Variants in NPNT observed in about 807,000 individuals in gnomAD.
NPNT encodes the protein preosteoblast EGF-like repeat protein with MAM domain.
NPNT carries 45 observed loss-of-function variants against 68.6 expected under a neutral mutation model. The observed-to-expected ratio is 0.66, with a 90% CI of 0.52 to 0.84. The LOEUF is 0.84. NPNT is among the 40% of genes least tolerant of loss of function. NPNT has a pLI of 0.00. For missense variants in NPNT, 672 were observed against 714.8 expected, an observed-to-expected ratio of 0.94 and a Z score of 0.68; for synonymous variants, 233 against 253.3, an observed-to-expected ratio of 0.92 and a Z score of 0.76.
At chr4:105,947,841 C>CG (rs1286115619) in intron 8 of NPNT, among the ~76,000 whole-genome samples, 9 of 151,988 alleles carry the variant, frequency 5.9e-5, no homozygotes, top group Admixed American at 2.0e-4. Flanking sequence ...ATACTGATCA[C>CG]GGGGGGGTTT....
chr4:105,931,998 C>T (rs1274843230), intron 3 of NPNT, among the ~76,000 whole-genome samples: 1 of 152,098 alleles, frequency 6.6e-6, no homozygotes, highest in Non-Finnish European at 1.5e-5. Context: ...TTTTGGTAAG[C>T]TAATAATGGC....
At position 105,938,421 on chromosome 4, in the gene NPNT, G is replaced by A; in HGVS notation, c.505+1G>A. The A allele has an allele frequency of 6.2e-7, 1 of 1,612,508 alleles. No homozygotes were observed. Among genetic ancestry groups the A allele is most frequent in the East Asian group, 2.2e-5 (1 of 44,850 alleles). On this transcript the variant is annotated splice_donor_variant, in intron 5 of 11. Transcript: ENST00000379987. LOFTEE classifies it high-confidence loss of function. The stretch of plus-strand genomic sequence containing the variant: ...GCTCCTGATGGGAGGACCTGTGTAG[G>A]TGAGTTGTAAAATCAAGCATCTCTG...
Position 105,933,277 on chromosome 4 carries a change from G to A in NPNT, c.266-3732G>A, listed in dbSNP as rs186241533. ...CCTGCCCTATTTGCCTGTGGGGTTG[G>A]CGTGAGAATAGAAACACCAAAAATA... On this transcript the variant is annotated intron_variant, in intron 3 of 11. Transcript: ENST00000379987. 1.7e-3 allele frequency among the ~76,000 whole-genome samples: 256 copies of A among 152,258 alleles called. 1 individual carries two copies. The highest frequency in any genetic ancestry group is 6.0e-3 in the African/African-American group (248 of 41,554).
intron 2 of NPNT, among the ~76,000 whole-genome samples, chr4:105,898,746 G>A (rs900446738): frequency 6.6e-6 from 1 of 152,222 alleles, no homozygotes; most frequent in East Asian, 1.9e-4. Flanking sequence ...AAAATTTAGA[G>A]CTACATCAAA....
At chr4:105,932,088 A>G (rs1474058600) in intron 3 of NPNT, among the ~76,000 whole-genome samples, 3 of 152,194 alleles carry the variant, frequency 2.0e-5, no homozygotes, top group African/African-American at 7.2e-5. Flanking sequence ...GATAATATTG[A>G]CGATCTATTA....
rs867883566 is a variant in NPNT at position 105,922,389 on chromosome 4, A to T, written c.173-4947A>T. On this transcript the variant is annotated intron_variant, in intron 2 of 11. Coordinates refer to ENST00000379987, the MANE Select transcript of NPNT (RefSeq NM_001033047.3). ...CCCAGTTACATCACTTAAGATGGAT[A>T]TTTTTTTTTTTTTTTTGAGATCAAG... Among the ~76,000 whole-genome samples, 53 of 139,348 alleles carry T rather than the reference A, an allele frequency of 3.8e-4. 2 individuals are homozygous for T. The highest frequency in any genetic ancestry group is 7.2e-4 in the Non-Finnish European group (45 of 62,832). 91.4% of individuals were successfully genotyped at this position (139,348 alleles called of 152,430 possible). A position where few individuals can be genotyped will look rare whatever the true frequency, so the allele number is the denominator to read the frequency against.
chr4:105,929,459 CT>C (rs1728944629), intron 3 of NPNT: 1 of 152,198 alleles, frequency 6.6e-6, no homozygotes, highest in Non-Finnish European at 1.5e-5. Flanking sequence ...CTCTTTTTAA[CT>C]TGAAATTTAC....
At chr4:105,942,284 A>ATTTAAGTCT in intron 7 of NPNT, 23 bp from the exon 8 acceptor site, 1 of 1,560,036 alleles carries the variant, frequency 6.4e-7, no homozygotes, top group South Asian at 1.2e-5. Context: ...TTACATACTG[A>ATTTAAGTCT]TTTAAGTCTT....
Position 105,940,066 on chromosome 4 carries a change from T to G in NPNT, c.506-9T>G. On this transcript the variant is annotated splice_polypyrimidine_tract_variant and intron_variant, in intron 5 of 11. Transcript: ENST00000379987. ...CTCTTCCTAAAATGCTATTGACTTA[T>G]GTTTCTAGATGTTGATGAATGTGCT... is the stretch of plus-strand genomic sequence containing the variant. The G allele has an allele frequency of 6.2e-7, 1 of 1,612,280 alleles. No homozygotes were observed. Among genetic ancestry groups the G allele is most frequent in the Non-Finnish European group, 8.5e-7 (1 of 1,178,628 alleles).
Position 105,935,024 on chromosome 4 carries a change from C to T in NPNT, c.266-1985C>T, listed in dbSNP as rs542492183. Among the ~76,000 whole-genome samples, 11 of 152,292 alleles carry T rather than the reference C, an allele frequency of 7.2e-5. No individual in the cohort carries two copies. The South Asian group carries it at 2.1e-3, about 29-fold the overall frequency. Reference sequence around the variant, plus strand: ...CAGGTTTAGTTCAGGGACATAGTGTCTGAAGAAATTTCCATCAGCATAAAT... The same window carrying T: ...CAGGTTTAGTTCAGGGACATAGTGTTTGAAGAAATTTCCATCAGCATAAAT... On this transcript the variant is annotated intron_variant, in intron 3 of 11. Coordinates refer to ENST00000379987, the MANE Select transcript of NPNT (RefSeq NM_001033047.3).
At chr4:105,950,896 T>C (rs936186754) in intron 8 of NPNT, among the ~76,000 whole-genome samples, 1 of 152,224 alleles carries the variant, frequency 6.6e-6, no homozygotes, top group Non-Finnish European at 1.5e-5. Flanking sequence ...GTGCTGCGAT[T>C]ACAGGCGTGA....
chr4:105,913,664 T>C (rs1578595621), intron 2 of NPNT, among the ~76,000 whole-genome samples: 2 of 152,230 alleles, frequency 1.3e-5, no homozygotes, highest in South Asian at 4.1e-4. Flanking sequence ...CTAGGACAGA[T>C]GGTACAGCAC....
chr4:105,945,761 T>A (rs1487368383), intron 8 of NPNT, among the ~76,000 whole-genome samples: 1 of 152,210 alleles, frequency 6.6e-6, no homozygotes, highest in Non-Finnish European at 1.5e-5. Flanking sequence ...GTACACATAC[T>A]ATATAGTACA....
At chr4:105,935,217 G>A (rs909082606) in intron 3 of NPNT, among the ~76,000 whole-genome samples, 1 of 152,174 alleles carries the variant, frequency 6.6e-6, no homozygotes, top group Non-Finnish European at 1.5e-5. Flanking sequence ...TGATTTTACT[G>A]TGTTATGTTG....
chr4:105,895,809 C>A, intron 1 of NPNT, 86 bp downstream of exon 1: 1 of 1,242,946 alleles, frequency 8.0e-7, no homozygotes, highest in Non-Finnish European at 1.1e-6. Context: ...CGCGGGGTTT[C>A]GTGGTCAGAG....
intron 2 of NPNT, among the ~76,000 whole-genome samples, chr4:105,903,889 A>G (rs1439150151): frequency 1.3e-5 from 2 of 150,252 alleles, no homozygotes; most frequent in Admixed American, 6.7e-5. Context: ...GGCTCAAGCC[A>G]TCCTCCCACC....
intron 2 of NPNT, chr4:105,902,722 G>C (rs539274880): frequency 2.0e-5 from 3 of 152,258 alleles, no homozygotes; most frequent in East Asian, 3.9e-4. Flanking sequence ...GTACCTTTGG[G>C]TAACTTCAAG....
intron 3 of NPNT, among the ~76,000 whole-genome samples, chr4:105,931,323 A>C (rs1016806779): frequency 6.6e-6 from 1 of 152,318 alleles, no homozygotes; most frequent in South Asian, 2.1e-4. Flanking sequence ...ATATTTATAA[A>C]TGTCAATTCC....
At chr4:105,897,622 G>C (rs1725967730) in intron 1 of NPNT, among the ~76,000 whole-genome samples, 1 of 152,268 alleles carries the variant, frequency 6.6e-6, no homozygotes. Context: ...GTTGGTGTTA[G>C]CTGGTGCTAT....
Sources: gnomAD v4.1 joint callset for allele counts (sites outside exome capture counted in the v4.1 genomes callset) on GRCh38, gnomAD v4.1.1 for gene constraint, MANE v1.5 for transcripts, NCBI Gene and HGNC (gene_info 2026-07-23, HGNC 2026-07-21) for gene names.